Variants in CA5A observed in about 807,000 individuals in gnomAD.
CA5A encodes carbonic anhydrase 5A.
In CA5A, 28 loss-of-function variants were observed where a neutral mutation model predicts 37.1. The observed-to-expected ratio is 0.75, with a 90% CI of 0.56 to 1.03. The LOEUF (loss-of-function observed/expected upper bound fraction) is 1.03, where lower values mean the gene tolerates loss of function less well. Ranked by LOEUF, CA5A falls within the 50% of genes least tolerant of loss-of-function variation. CA5A has a pLI of 0.00. For synonymous variants in CA5A, 171 were observed against 158.4 expected (o/e 1.08, Z -0.60); for missense variants, 444 against 399.9 (o/e 1.11, Z -0.94).
At position 87,905,718 on chromosome 16, in the gene CA5A, T is replaced by A. The variant is rs563685123; in HGVS notation, c.341-814A>T. 8.5e-5 allele frequency among the ~76,000 whole-genome samples: 13 copies of A among 152,344 alleles called. No individual in the cohort carries two copies. The East Asian group carries it at 2.3e-3, about 27-fold the overall frequency. On this transcript the variant is annotated intron_variant, in intron 2 of 6. Coordinates refer to ENST00000649794, the MANE Select transcript of CA5A (RefSeq NM_001739.2). ...TAGCATCAGTCCTGATCTCTGGCAG[T>A]CCCTGCTTAATCTAGGCCCACCACA...
At chr16:87,883,993 G>C (rs2055628993), downstream of CA5A, 1 of 151,874 alleles carries the variant, frequency 6.6e-6, no homozygotes, top group Non-Finnish European at 1.5e-5. Context: ...TATCACCTTG[G>C]GAAACAGATT....
intron 2 of CA5A, among the ~76,000 whole-genome samples, chr16:87,917,272 A>C (rs1444543915): frequency 1.3e-5 from 2 of 152,180 alleles, no homozygotes; most frequent in Admixed American, 1.3e-4. Context: ...ATGCTGGACC[A>C]ATCAGAGCCT....
intron 5 of CA5A, among the ~76,000 whole-genome samples, chr16:87,896,490 A>G (rs2055804811): frequency 1.3e-5 from 2 of 152,204 alleles, no homozygotes; most frequent in African/African-American, 4.8e-5. Flanking sequence ...GGTGATCCTC[A>G]GGCAGCTAGA....
intron 2 of CA5A, among the ~76,000 whole-genome samples, chr16:87,924,692 G>A (rs920869716): frequency 6.6e-6 from 1 of 152,250 alleles, no homozygotes; most frequent in African/African-American, 2.4e-5. Flanking sequence ...GCAGGAGCTG[G>A]GGAAGCCCCG....
chr16:87,902,907 A>G (rs146463818), intron 3 of CA5A, among the ~76,000 whole-genome samples: 3,326 of 146,108 alleles, frequency 0.023, 145 homozygotes, highest in African/African-American at 0.083. Context: ...GCGAGACTCC[A>G]TCTCACAAAA....
chr16:87,913,527 G>A (rs1325447979), intron 2 of CA5A, among the ~76,000 whole-genome samples: 1 of 152,112 alleles, frequency 6.6e-6, no homozygotes, highest in Non-Finnish European at 1.5e-5. Flanking sequence ...TGTTTTGCGT[G>A]TGCTAGAGTC....
At position 87,891,786 on chromosome 16, in the gene CA5A, G is replaced by C. The variant is rs764961081; in HGVS notation, c.774+13C>G. On this transcript the variant is annotated intron_variant, in intron 6 of 6. Coordinates refer to ENST00000649794, the MANE Select transcript of CA5A (RefSeq NM_001739.2). ...CATGAAGCGCCATCGTGCCAGTTAC[G>C]GGCACGGCTCACCTGGCTTGGGGCC... 5.0e-5 allele frequency: 75 copies of C among 1,489,182 alleles called. No homozygotes were observed. The highest frequency in any genetic ancestry group is 6.6e-5 in the Non-Finnish European group (74 of 1,122,852). The allele number at this position is 1,489,182 out of a possible 1,614,324, so 92.2% of individuals were successfully genotyped here.
At chr16:87,923,768 A>G (rs2056262909) in intron 2 of CA5A, 9 of 985,272 alleles carry the variant, frequency 9.1e-6, no homozygotes, top group Non-Finnish European at 1.1e-5. Flanking sequence ...TTATTAAAAT[A>G]TCAGTGAGAC....
chr16:87,932,543 C>A (rs1485966649), intron 1 of CA5A, among the ~76,000 whole-genome samples: 1 of 152,184 alleles, frequency 6.6e-6, no homozygotes, highest in Non-Finnish European at 1.5e-5. Context: ...ACCCTGGTGC[C>A]CAGCAACGTA....
chr16:87,930,551 G>A (rs958102192), intron 1 of CA5A, among the ~76,000 whole-genome samples: 8 of 152,076 alleles, frequency 5.3e-5, no homozygotes, highest in African/African-American at 1.9e-4. Context: ...TGGACGTGTT[G>A]TGAGGGCAGA....
intron 2 of CA5A, among the ~76,000 whole-genome samples, chr16:87,916,826 G>T (rs1386637903): frequency 6.6e-6 from 1 of 151,822 alleles, no homozygotes; most frequent in East Asian, 1.9e-4. Context: ...TTTTGGGCTG[G>T]GCATGGTGGC....
chr16:87,934,282 G>C (rs1206403474), intron 1 of CA5A, among the ~76,000 whole-genome samples: 1 of 152,238 alleles, frequency 6.6e-6, no homozygotes, highest in Admixed American at 6.5e-5. Context: ...AGTCACAGAG[G>C]GGACAGCTGG....
At position 87,889,745 on chromosome 16, in the gene CA5A, C is replaced by T. The variant is rs554994705; in HGVS notation, c.775-1473G>A. Among the ~76,000 whole-genome samples the T allele has an allele frequency of 1.5e-4, 22 of 151,366 alleles. No individual in the cohort carries two copies. The South Asian group carries it at 2.5e-3, about 17-fold the overall frequency. On this transcript the variant is annotated intron_variant, in intron 6 of 6. Transcript: ENST00000649794. ...GAGATCACGCCATTGCACTCCAGCCCGGGCAAGAAGAGGGAAACTCCATCT... is the reference window on the plus strand; with the variant it reads ...GAGATCACGCCATTGCACTCCAGCCTGGGCAAGAAGAGGGAAACTCCATCT...
intron 2 of CA5A, chr16:87,925,601 A>C (rs1597583681): frequency 6.6e-6 from 1 of 152,346 alleles, no homozygotes; most frequent in East Asian, 1.9e-4. Context: ...CTGGGAAAAC[A>C]CCAGGTAGGA....
At chr16:87,899,487 G>C (rs891578312) in intron 5 of CA5A, among the ~76,000 whole-genome samples, 6 of 150,534 alleles carry the variant, frequency 4.0e-5, no homozygotes, top group African/African-American at 1.5e-4. Flanking sequence ...ATTTTTAGTA[G>C]AGATGAGGTT....
At chr16:87,918,366 C>G (rs2056183799) in intron 2 of CA5A, among the ~76,000 whole-genome samples, 1 of 152,038 alleles carries the variant, frequency 6.6e-6, no homozygotes, top group Admixed American at 6.6e-5. Context: ...TGACTGGCAC[C>G]TCTCCTCTCC....
intron 2 of CA5A, among the ~76,000 whole-genome samples, chr16:87,913,405 C>T (rs2056080957): frequency 6.6e-6 from 1 of 151,248 alleles, no homozygotes; most frequent in Non-Finnish European, 1.5e-5. Flanking sequence ...TGGGCGCAAG[C>T]CATCCTCCCC....
At chr16:87,892,937 G>T in intron 5 of CA5A, 1 of 778,978 alleles carries the variant, frequency 1.3e-6, no homozygotes, top group Non-Finnish European at 2.1e-6. Flanking sequence ...GTGAGCCACT[G>T]TGCCCGGCCT....
chr16:87,892,548 A>G (rs955336840), intron 5 of CA5A, among the ~76,000 whole-genome samples: 3 of 136,866 alleles, frequency 2.2e-5, no homozygotes, highest in African/African-American at 2.7e-5. Context: ...AATAATAATA[A>G]TAATAATAAA....
Sources: gnomAD v4.1 joint callset for allele counts (sites outside exome capture counted in the v4.1 genomes callset) on GRCh38, gnomAD v4.1.1 for gene constraint, MANE v1.5 for transcripts, NCBI Gene and HGNC (gene_info 2026-07-23, HGNC 2026-07-21) for gene names.